Variants in CUBN observed in about 807,000 individuals in gnomAD.
CUBN encodes 460 kDa receptor.
A neutral mutation model predicts 405.3 loss-of-function variants in CUBN; 282 were observed. That is an observed-to-expected ratio of 0.70 (90% CI 0.63 to 0.77). CUBN has a LOEUF of 0.77. Ranked by LOEUF, CUBN falls within the 30% of genes least tolerant of loss-of-function variation. The probability of loss-of-function intolerance (pLI) is 0.00; values close to 1 mark genes in which losing one functional copy is unlikely to be tolerated. For synonymous variants in CUBN, 1,684 were observed against 1,617.0 expected (o/e 1.04, Z -0.99); for missense variants, 4,514 against 4,475.2 (o/e 1.01, Z -0.25).
intron 59 of CUBN, among the ~76,000 whole-genome samples, chr10:16,857,539 A>G (rs1169647732): frequency 6.6e-6 from 1 of 152,334 alleles, no homozygotes; most frequent in East Asian, 1.9e-4. Flanking sequence ...ATTCTTTCCA[A>G]CTTGGAAATT....
intron 30 of CUBN, 89 bp downstream of exon 30, chr10:16,984,016 T>C: frequency 5.0e-6 from 7 of 1,401,988 alleles, no homozygotes; most frequent in South Asian, 1.2e-5. Flanking sequence ...GTTATAAGTG[T>C]GTAGCCTTCA....
At chr10:16,966,301 A>G (rs1843389969) in intron 31 of CUBN, among the ~76,000 whole-genome samples, 1 of 152,172 alleles carries the variant, frequency 6.6e-6, no homozygotes, top group Non-Finnish European at 1.5e-5. Context: ...TCTGGGGTCA[A>G]TACATAAACC....
At position 16,836,349 on chromosome 10, in the gene CUBN, T is replaced by A; in HGVS notation, c.10066A>T (p.Arg3356Ter). Residue 3356 changes from arginine to a stop codon, truncating the protein, a stop_gained, in exon 63 of 67, where the codon AGA becomes TGA. Coordinates refer to ENST00000377833, the MANE Select transcript of CUBN (RefSeq NM_001081.4). LOFTEE classifies it high-confidence loss of function. ...AACACTGGCACAGCCGAAGCATTTC[T>A]GCCACAGAACTGAAATCTTGAATTT... The part of the protein sequence containing the change: ...HGNSRFQFCG[R>*]NASAVPVFYS... The A allele has an allele frequency of 6.2e-7, 1 of 1,614,132 alleles. No homozygotes were observed. Among genetic ancestry groups the A allele is most frequent in the South Asian group, 1.1e-5 (1 of 91,084 alleles).
chr10:16,859,766 T>C (rs1003912286), intron 59 of CUBN, among the ~76,000 whole-genome samples: 2 of 152,112 alleles, frequency 1.3e-5, no homozygotes, highest in African/African-American at 4.8e-5. Context: ...TATGGAAGCA[T>C]AGAATTTCAG....
At chr10:16,999,122 T>C (rs959335295) in intron 28 of CUBN, among the ~76,000 whole-genome samples, 7 of 152,244 alleles carry the variant, frequency 4.6e-5, no homozygotes, top group African/African-American at 1.7e-4. Context: ...TAGAAATCAA[T>C]GCTGTGGACC....
intron 32 of CUBN, among the ~76,000 whole-genome samples, chr10:16,953,742 T>C (rs1418774577): frequency 1.3e-5 from 2 of 151,902 alleles, no homozygotes; most frequent in African/African-American, 4.8e-5. Context: ...TCCCAGCTAC[T>C]CAGGAGGCTG....
intron 22 of CUBN, among the ~76,000 whole-genome samples, chr10:17,051,592 A>G (rs926139883): frequency 3.3e-5 from 5 of 152,110 alleles, no homozygotes; most frequent in Non-Finnish European, 7.3e-5. Flanking sequence ...TTGGCCCAAA[A>G]AGGGAGAAAA....
intron 36 of CUBN, among the ~76,000 whole-genome samples, chr10:16,944,608 T>C (rs1842731488): frequency 6.6e-6 from 1 of 152,070 alleles, no homozygotes; most frequent in Non-Finnish European, 1.5e-5. Flanking sequence ...ATTAATCAAC[T>C]GCAAAAAAAG....
chr10:17,129,306 C>T, intron 1 of CUBN, 56 bp from the exon 2 acceptor site: 1 of 1,579,648 alleles, frequency 6.3e-7, no homozygotes, highest in Non-Finnish European at 8.7e-7. Flanking sequence ...ATTTTTAAAC[C>T]AAAATAACAA....
intron 17 of CUBN, among the ~76,000 whole-genome samples, chr10:17,081,020 A>G (rs1308254973): frequency 6.6e-6 from 1 of 151,630 alleles, no homozygotes; most frequent in Non-Finnish European, 1.5e-5. Flanking sequence ...TATAAATCTA[A>G]GAATTAACAT....
chr10:17,105,439 G>A lies in CUBN; in HGVS notation c.1230+18C>T. 1 of 1,388,808 alleles carries A rather than the reference G, an allele frequency of 7.2e-7. No homozygotes were observed. Among genetic ancestry groups the A allele is most frequent in the Non-Finnish European group, 1.0e-6 (1 of 973,096 alleles). 86.0% of individuals were successfully genotyped at this position (1,388,808 alleles called of 1,614,324 possible). A position where few individuals can be genotyped will look rare whatever the true frequency, so the allele number is the denominator to read the frequency against. ...ATTCTCAGGTACTCTCTGTCCACAGGAAAAACAAAGGACTCACGATGCATT... is the reference window on the plus strand; with the variant it reads ...ATTCTCAGGTACTCTCTGTCCACAGAAAAAACAAAGGACTCACGATGCATT... On this transcript the variant is annotated intron_variant, in intron 11 of 66. Coordinates refer to ENST00000377833, the MANE Select transcript of CUBN (RefSeq NM_001081.4).
At chr10:17,019,803 A>C in intron 28 of CUBN, 30 bp downstream of exon 28, 15 of 1,614,010 alleles carry the variant, frequency 9.3e-6, no homozygotes, top group African/African-American at 2.7e-5. Flanking sequence ...TAGCAACTGC[A>C]AATACAACTG....
intron 27 of CUBN, among the ~76,000 whole-genome samples, chr10:17,040,067 A>AT (rs973660178): frequency 6.6e-6 from 1 of 152,096 alleles, no homozygotes; most frequent in Non-Finnish European, 1.5e-5. Flanking sequence ...AGAATAACAT[A>AT]TTTTTTCCTG....
At chr10:17,050,655 T>C (rs1410812095) in intron 22 of CUBN, among the ~76,000 whole-genome samples, 1 of 152,136 alleles carries the variant, frequency 6.6e-6, no homozygotes, top group African/African-American at 2.4e-5. Flanking sequence ...TTCTCTCCCA[T>C]TCCAGAATGG....
chr10:16,925,203 C>T (rs373251734), intron 43 of CUBN, 38 bp downstream of exon 43: 44 of 1,547,870 alleles, frequency 2.8e-5, no homozygotes, highest in Non-Finnish European at 3.3e-5. Flanking sequence ...CAAGCAATTG[C>T]AGGAAAAGCA....
In CUBN at chr10:17,068,137, G is replaced by C. The variant is rs762283464; in HGVS notation, c.2935C>G (p.Leu979Val). 1 of 1,613,638 alleles carries C rather than the reference G, an allele frequency of 6.2e-7. No individual in the cohort carries two copies. Among genetic ancestry groups the C allele is most frequent in the Non-Finnish European group, 8.5e-7 (1 of 1,179,630 alleles). ...TTTGTGCAATTGTAATGAAACTCCA[G>C]ATGAAATGTTTCGAACATTAAATGA... ...LIHLMFETFHLEFHYNCTNDY... is the reference protein window; with the variant it reads ...LIHLMFETFHVEFHYNCTNDY... Residue 979 changes from leucine (L) to valine (V), a missense_variant, in exon 21 of 67, where the codon CTG (leucine) becomes GTG (valine). Physicochemically the swap from Leu to Val is conservative, Grantham distance 32 (BLOSUM62 1). Around this residue, in one of 5 missense-constraint regions of CUBN, gnomAD observed 1,448 missense variants for 1,388.0 expected, o/e 1.04. Coordinates refer to ENST00000377833, the MANE Select transcript of CUBN (RefSeq NM_001081.4).
chr10:17,100,746 C>A (rs1564515115), intron 13 of CUBN, among the ~76,000 whole-genome samples: 1 of 152,190 alleles, frequency 6.6e-6, no homozygotes, highest in African/African-American at 2.4e-5. Context: ...CCAGCCCAGA[C>A]CGACACGCTC....
intron 23 of CUBN, 133 bp downstream of exon 23, chr10:17,047,281 T>C: frequency 1.5e-6 from 1 of 679,566 alleles, no homozygotes; most frequent in East Asian, 2.8e-5. Flanking sequence ...ACAAACTTTA[T>C]TTCTTGCAAG....
chr10:17,000,761 G>A (rs1256680449), intron 28 of CUBN, among the ~76,000 whole-genome samples: 2 of 152,352 alleles, frequency 1.3e-5, no homozygotes, highest in African/African-American at 4.8e-5. Context: ...CTTAGTGGAT[G>A]TGTAAGTTTG....
Sources: allele counts gnomAD v4.1 joint callset (sites outside exome capture counted in the v4.1 genomes callset), GRCh38; gene constraint gnomAD v4.1.1; regional missense constraint gnomAD v4.1.1; transcripts MANE v1.5; gene names NCBI Gene and HGNC (gene_info 2026-07-23, HGNC 2026-07-21).